GPAT4: variants seen among roughly 807,000 people sequenced by gnomAD.
GPAT4 encodes 1-AGP acyltransferase 6.
A neutral mutation model predicts 58.0 loss-of-function variants in GPAT4; 17 were observed. The ratio of observed to expected loss-of-function variants is 0.29; its 90% CI spans 0.20 to 0.44. GPAT4 has a LOEUF of 0.44. Ranked by LOEUF, GPAT4 falls within the 20% of genes least tolerant of loss-of-function variation. GPAT4 has a pLI of 1.00. For synonymous variants in GPAT4, 204 were observed against 210.1 expected, an observed-to-expected ratio of 0.97 and a Z score of 0.25; for missense variants, 377 against 574.5, an observed-to-expected ratio of 0.66 and a Z score of 3.51.
At chr8:41,601,081 G>A (rs949102530) in intron 2 of GPAT4, among the ~76,000 whole-genome samples, 7 of 152,084 alleles carry the variant, frequency 4.6e-5, no homozygotes, top group Admixed American at 1.3e-4. Context: ...GTGGACCTGC[G>A]TGTACGTGCA....
rs71548104 is a variant in GPAT4 at position 41,582,444 on chromosome 8, T to TACACACACAC, written c.-849+4190_-849+4199dup. On this transcript the variant is annotated intron_variant, in intron 1 of 12. Transcript: ENST00000396987. Reference sequence around the variant, plus strand: ...CTTGGAGAAATAGGGTGGGAAAGTATACACACACACACACACACACACACA... The same window carrying TACACACACAC: ...CTTGGAGAAATAGGGTGGGAAAGTATACACACACACACACACACACACACACACACACACA... Among the ~76,000 whole-genome samples the TACACACACAC allele has an allele frequency of 3.3e-3, 469 of 141,698 alleles. 3 individuals carry two copies. Among genetic ancestry groups the TACACACACAC allele is most frequent in the Middle Eastern group, 0.011 (3 of 266 alleles). The allele number at this position is 141,698 out of a possible 152,430, so 93.0% of individuals were successfully genotyped here.
In GPAT4 at chr8:41,620,430, C is replaced by A. The variant is rs568587939; in HGVS notation, c.1263-463C>A. Among the ~76,000 whole-genome samples, 8 of 152,302 alleles carry A rather than the reference C, an allele frequency of 5.3e-5. No homozygotes were observed. In the East Asian group the frequency reaches 1.4e-3, roughly 26 times the overall value. ...GAAGAAGTCAGAACACGCGTTACCC[C>A]TTGTGTTAGCTCTCTGCATGAGTTC... On this transcript the variant is annotated intron_variant, in intron 12 of 12. Coordinates refer to ENST00000396987, the MANE Select transcript of GPAT4 (RefSeq NM_178819.4).
chr8:41,587,545 C>T (rs1035877707), intron 1 of GPAT4, among the ~76,000 whole-genome samples: 2 of 152,202 alleles, frequency 1.3e-5, no homozygotes, highest in African/African-American at 4.8e-5. Context: ...TACACTTCTG[C>T]ACTACTGACA....
intron 12 of GPAT4, among the ~76,000 whole-genome samples, chr8:41,619,850 C>A (rs1225057279): frequency 6.6e-6 from 1 of 152,188 alleles, no homozygotes; most frequent in Non-Finnish European, 1.5e-5. Flanking sequence ...TTAAAAAATG[C>A]TAGTGTGGAT....
chr8:41,598,945 T>G lies in GPAT4; in HGVS notation c.-195T>G. 1 of 675,184 alleles carries G rather than the reference T, an allele frequency of 1.5e-6. No individual in the cohort carries two copies. Among genetic ancestry groups the G allele is most frequent in the Non-Finnish European group, 2.4e-6 (1 of 410,238 alleles). 41.8% of individuals were successfully genotyped at this position (675,184 alleles called of 1,614,324 possible). ...AGACCTGGCGTTTGCAGTTGCCTCC[T>G]GTGGCCGTGTTTTTCTGTCATTCTG... is the stretch of plus-strand genomic sequence containing the variant. On this transcript the variant is annotated 5_prime_UTR_variant, in exon 2 of 13. Transcript: ENST00000396987.
Position 41,609,781 on chromosome 8 carries a change from A to G in GPAT4, c.362A>G (p.Lys121Arg). 2 of 1,614,184 alleles carry G rather than the reference A, an allele frequency of 1.2e-6. No individual in the cohort carries two copies. Among genetic ancestry groups the G allele is most frequent in the Non-Finnish European group, 1.7e-6 (2 of 1,180,048 alleles). Reference protein sequence around the residue: ...ELSDIFYFCRKGMETIMDDEV... With the variant: ...ELSDIFYFCRRGMETIMDDEV... ...TCTGACATTTTCTACTTTTGCCGGA[A>G]AGGAATGGAGACCATTATGGATGAT... Residue 121 changes from lysine to arginine, a missense_variant, in exon 4 of 13, where the codon AAA becomes AGA. Physicochemically the swap from Lys to Arg is conservative, Grantham distance 26. Coordinates refer to ENST00000396987, the MANE Select transcript of GPAT4 (RefSeq NM_178819.4).
chr8:41,598,153 C>T (rs1022977902), intron 1 of GPAT4, 139 bp from the exon 2 acceptor site: 2 of 152,206 alleles, frequency 1.3e-5, no homozygotes, highest in African/African-American at 4.8e-5. Flanking sequence ...GTCTCTTTGA[C>T]CTTGATGACT....
chr8:41,588,418 G>A (rs1291257738), intron 1 of GPAT4, among the ~76,000 whole-genome samples: 1 of 151,856 alleles, frequency 6.6e-6, no homozygotes, highest in Non-Finnish European at 1.5e-5. Flanking sequence ...GAGAGAATTG[G>A]TATAGATGCC....
rs1803873944 is a variant in GPAT4, at chr8:41,624,979, CAAT to C, written c.*3981_*3983del. On this transcript the variant is annotated 3_prime_UTR_variant, in exon 13 of 13. Transcript: ENST00000396987. ...TTTTGATAAATAATCACTTGTAAGT[CAAT>C]AAATTTTTATTAAACAGTGTGGCTC... is the stretch of plus-strand genomic sequence containing the variant. The C allele has an allele frequency of 1.3e-5, 2 of 152,162 alleles. No homozygotes were observed. Among genetic ancestry groups the C allele is most frequent in the South Asian group, 4.1e-4 (2 of 4,830 alleles). The allele number at this position is 152,162 out of a possible 1,614,324, so 9.4% of individuals were successfully genotyped here.
At chr8:41,620,323 A>C (rs1389427576) in intron 12 of GPAT4, among the ~76,000 whole-genome samples, 2 of 152,182 alleles carry the variant, frequency 1.3e-5, no homozygotes, top group Admixed American at 6.6e-5. Flanking sequence ...GCAGGGAGGC[A>C]CGGGGGCAGT....
At chr8:41,586,200 C>T (rs2150481660) in intron 1 of GPAT4, among the ~76,000 whole-genome samples, 1 of 152,246 alleles carries the variant, frequency 6.6e-6, no homozygotes, top group East Asian at 1.9e-4. Context: ...GGGTTTCATT[C>T]ACTTAGTATG....
chr8:41,614,322 T>G (rs1803532309), intron 8 of GPAT4, 64 bp from the exon 9 acceptor site: 22 of 1,378,738 alleles, frequency 1.6e-5, no homozygotes, highest in Non-Finnish European at 2.1e-5. Flanking sequence ...AGGTTATTTA[T>G]AAACATATTT....
chr8:41,596,667 C>G (rs1010830531), intron 1 of GPAT4, among the ~76,000 whole-genome samples: 1 of 152,216 alleles, frequency 6.6e-6, no homozygotes, highest in African/African-American at 2.4e-5. Context: ...TGGTCTGAGT[C>G]CCCCGCAGGG....
intron 1 of GPAT4, among the ~76,000 whole-genome samples, chr8:41,583,312 T>G (rs1302946761): frequency 6.6e-6 from 1 of 152,048 alleles, no homozygotes; most frequent in Non-Finnish European, 1.5e-5. Context: ...ATTCGTTCCA[T>G]TTAAGTTTTT....
intron 8 of GPAT4, among the ~76,000 whole-genome samples, chr8:41,614,085 A>C (rs1234409292): frequency 2.0e-5 from 3 of 152,228 alleles, no homozygotes; most frequent in Non-Finnish European, 4.4e-5. Flanking sequence ...TGAGGGGGCC[A>C]TGCCCAGGCC....
intron 2 of GPAT4, among the ~76,000 whole-genome samples, chr8:41,606,055 C>G (rs1419861607): frequency 6.6e-6 from 1 of 152,188 alleles, no homozygotes; most frequent in African/African-American, 2.4e-5. Flanking sequence ...GTATCTTGCC[C>G]TATGCATCTC....
chr8:41,594,984 CTG>C (rs1802887687), intron 1 of GPAT4, among the ~76,000 whole-genome samples: 1 of 151,814 alleles, frequency 6.6e-6, no homozygotes, highest in South Asian at 2.1e-4. Flanking sequence ...TCCTTTATGT[CTG>C]TGGACTAGAC....
intron 1 of GPAT4, among the ~76,000 whole-genome samples, chr8:41,596,754 A>G (rs1468437504): frequency 6.6e-6 from 1 of 152,220 alleles, no homozygotes; most frequent in Non-Finnish European, 1.5e-5. Context: ...CCAGTCAGGG[A>G]ACCAAGAAAT....
chr8:41,619,062 T>C, intron 12 of GPAT4, 85 bp downstream of exon 12: 1 of 1,499,274 alleles, frequency 6.7e-7, no homozygotes, highest in Non-Finnish European at 9.2e-7. Context: ...TTCCCCGTGG[T>C]GTGGAGAATT....
Sources: gnomAD v4.1 joint callset for allele counts (sites outside exome capture counted in the v4.1 genomes callset) on GRCh38, gnomAD v4.1.1 for gene constraint, MANE v1.5 for transcripts, NCBI Gene and HGNC (gene_info 2026-07-23, HGNC 2026-07-21) for gene names.